The following USH2A variants were observed in gnomAD, a reference collection of about 807,000 sequenced individuals.
The protein encoded by USH2A is Usher syndrome 2A (autosomal recessive, mild).
USH2A carries 443 observed loss-of-function variants against 538.9 expected under a neutral mutation model. The ratio of observed to expected loss-of-function variants is 0.82; its 90% CI spans 0.76 to 0.89. The LOEUF (loss-of-function observed/expected upper bound fraction) is 0.89. Ranked by LOEUF, USH2A falls within the 40% of genes least tolerant of loss-of-function variation. The pLI is 0.00. For synonymous variants in USH2A, 2,413 were observed against 2,273.5 expected, an observed-to-expected ratio of 1.06 and a Z score of -1.75; for missense variants, 6,633 against 6,324.8, an observed-to-expected ratio of 1.05 and a Z score of -1.65.
rs529695475 is a variant in USH2A, at chr1:216,177,620, C to T, written c.4397-2138G>A. ...GCCTTGGAGCAGTAGTGACCTCATG[C>T]CCTTGCATACACTGGGACCTTGCCA... On this transcript the variant is annotated intron_variant, in intron 20 of 71. Transcript: ENST00000307340. 9.2e-5 allele frequency among the ~76,000 whole-genome samples: 14 copies of T among 152,218 alleles called. No individual in the cohort carries two copies. In the South Asian group the frequency reaches 2.9e-3, roughly 32 times the overall value.
At position 216,251,015 on chromosome 1, in the gene USH2A, C is replaced by G. The variant is rs775452509; in HGVS notation, c.2055G>C (p.Glu685Asp). ...QCQNGFYNLQELDPDGCSPCN... is the reference protein window; with the variant it reads ...QCQNGFYNLQDLDPDGCSPCN... The stretch of plus-strand genomic sequence containing the variant: ...AGGGACTGCAGCCATCAGGATCCAA[C>G]TCTTGTAGATTGTAGAATCCATTCT... The change falls in exon 12 of 72, where the codon GAG becomes GAC. Residue 685 changes from glutamate (E) to aspartate (D), a missense_variant. By Grantham distance (45) the Glu-to-Asp change is conservative. Coordinates refer to ENST00000307340, the MANE Select transcript of USH2A (RefSeq NM_206933.4). The G allele has an allele frequency of 6.2e-7, 1 of 1,614,112 alleles. No individual in the cohort carries two copies. Among genetic ancestry groups the G allele is most frequent in the Non-Finnish European group, 8.5e-7 (1 of 1,180,004 alleles).
At chr1:215,956,350 G>T (rs1003930412) in intron 37 of USH2A, among the ~76,000 whole-genome samples, 1 of 152,162 alleles carries the variant, frequency 6.6e-6, no homozygotes, top group Non-Finnish European at 1.5e-5. Flanking sequence ...CACTTGTGGT[G>T]TGGGTTTGAA....
At chr1:215,889,754 A>G (rs1665161995) in intron 40 of USH2A, among the ~76,000 whole-genome samples, 2 of 152,158 alleles carry the variant, frequency 1.3e-5, no homozygotes, top group Admixed American at 1.3e-4. Context: ...AGGAGGCTCC[A>G]TGAATACTGA....
intron 21 of USH2A, among the ~76,000 whole-genome samples, chr1:216,116,360 TG>T (rs1462308353): frequency 1.3e-5 from 2 of 152,088 alleles, no homozygotes; most frequent in African/African-American, 4.8e-5. Flanking sequence ...ACAAGCATTA[TG>T]GGGGGAAAAA....
intron 21 of USH2A, among the ~76,000 whole-genome samples, chr1:216,172,041 TG>T (rs2034285018): frequency 6.6e-6 from 1 of 152,048 alleles, no homozygotes; most frequent in Admixed American, 6.6e-5. Flanking sequence ...AGGTAGATAT[TG>T]ACAGGGTTTA....
chr1:215,863,693 G>A (rs1246729654), intron 44 of USH2A, among the ~76,000 whole-genome samples: 1 of 152,054 alleles, frequency 6.6e-6, no homozygotes, highest in Non-Finnish European at 1.5e-5. Flanking sequence ...ATAGACAAAT[G>A]GCCAGGCATG....
At chr1:215,778,534 G>A (rs961741545) in intron 55 of USH2A, among the ~76,000 whole-genome samples, 1 of 152,144 alleles carries the variant, frequency 6.6e-6, no homozygotes, top group Admixed American at 6.5e-5. Flanking sequence ...GAAAAGTGAT[G>A]AATTTATTTT....
At chr1:215,676,892 C>T (rs1314248848) in intron 62 of USH2A, among the ~76,000 whole-genome samples, 1 of 152,080 alleles carries the variant, frequency 6.6e-6, no homozygotes, top group Non-Finnish European at 1.5e-5. Context: ...AGAAAAACAC[C>T]CAAACATTTT....
chr1:215,670,372 C>T (rs1174875362), intron 64 of USH2A, among the ~76,000 whole-genome samples: 1 of 152,180 alleles, frequency 6.6e-6, no homozygotes, highest in Non-Finnish European at 1.5e-5. Flanking sequence ...TGCAAATGGA[C>T]TCTGATGGCA....
At chr1:216,359,243 A>C (rs1429874313) in intron 4 of USH2A, among the ~76,000 whole-genome samples, 1 of 152,106 alleles carries the variant, frequency 6.6e-6, no homozygotes, top group Non-Finnish European at 1.5e-5. Flanking sequence ...CAACAATCAT[A>C]TGGAAATATA....
intron 50 of USH2A, among the ~76,000 whole-genome samples, chr1:215,795,826 C>G (rs981096679): frequency 3.9e-5 from 6 of 152,148 alleles, no homozygotes; most frequent in Non-Finnish European, 8.8e-5. Flanking sequence ...AAATTATGGT[C>G]TCAGGATCCT....
intron 4 of USH2A, among the ~76,000 whole-genome samples, chr1:216,337,215 C>T (rs762461019): frequency 7.3e-5 from 11 of 151,376 alleles, no homozygotes; most frequent in Non-Finnish European, 1.2e-4. Flanking sequence ...TACTGAGTAG[C>T]AGGCCCTGTT....
intron 21 of USH2A, among the ~76,000 whole-genome samples, chr1:216,108,543 A>C (rs894609102): frequency 3.3e-5 from 5 of 151,870 alleles, no homozygotes; most frequent in African/African-American, 1.2e-4. Context: ...TTATTTCTTC[A>C]AATATTTTTC....
chr1:216,356,320 T>C (rs779810481), intron 4 of USH2A, among the ~76,000 whole-genome samples: 3 of 152,120 alleles, frequency 2.0e-5, no homozygotes, highest in Non-Finnish European at 4.4e-5. Flanking sequence ...GTTACATTCA[T>C]AGAATAAATC....
chr1:216,105,428 C>G (rs988900292), intron 21 of USH2A, among the ~76,000 whole-genome samples: 5 of 151,992 alleles, frequency 3.3e-5, no homozygotes, highest in African/African-American at 4.8e-5. Context: ...CCCCATTGAA[C>G]TGCCTTACCT....
At chr1:216,095,898 C>T (rs890947450) in intron 22 of USH2A, among the ~76,000 whole-genome samples, 1 of 152,104 alleles carries the variant, frequency 6.6e-6, no homozygotes, top group Non-Finnish European at 1.5e-5. Flanking sequence ...AGAGGGTGAA[C>T]GTTGTGTCTG....
chr1:216,044,559 C>T (rs2030430654), intron 32 of USH2A, among the ~76,000 whole-genome samples: 1 of 152,026 alleles, frequency 6.6e-6, no homozygotes, highest in African/African-American at 2.4e-5. Flanking sequence ...CTGTGTTGTA[C>T]AGGAGATAAC....
intron 3 of USH2A, among the ~76,000 whole-genome samples, chr1:216,417,109 G>A (rs923558291): frequency 5.3e-5 from 8 of 151,894 alleles, no homozygotes; most frequent in Admixed American, 2.6e-4. Flanking sequence ...CAGACATGAC[G>A]TCCCCTTTGT....
chr1:215,782,649 T>C, intron 53 of USH2A, 89 bp downstream of exon 53: 1 of 1,348,288 alleles, frequency 7.4e-7, no homozygotes, highest in Non-Finnish European at 1.0e-6. Context: ...GTTAGATGCA[T>C]AGGGCAATTA....
Sources: allele counts gnomAD v4.1 joint callset (sites outside exome capture counted in the v4.1 genomes callset), GRCh38; gene constraint gnomAD v4.1.1; transcripts MANE v1.5; gene names NCBI Gene and HGNC (gene_info 2026-07-23, HGNC 2026-07-21).